The following MFSD6 variants were observed in gnomAD, a reference collection of about 807,000 sequenced individuals.
MFSD6 encodes major facilitator superfamily domain-containing protein 6.
A neutral mutation model predicts 56.3 loss-of-function variants in MFSD6; 26 were observed. The observed-to-expected ratio is 0.46, with a 90% CI of 0.34 to 0.64. The LOEUF is 0.64. MFSD6 is among the 30% of genes least tolerant of loss of function. The probability of loss-of-function intolerance (pLI) is 0.01; values close to 1 mark genes in which losing one functional copy is unlikely to be tolerated. For synonymous variants in MFSD6, 331 were observed against 366.9 expected (o/e 0.90, Z 1.12); for missense variants, 750 against 986.2 (o/e 0.76, Z 3.21).
chr2:190,408,062 C>T (rs1485234015), upstream of MFSD6, among the ~76,000 whole-genome samples: 1 of 152,072 alleles, frequency 6.6e-6, no homozygotes, highest in African/African-American at 2.4e-5. Context: ...TTCAGGTGTC[C>T]CTCCGGGCCG....
At chr2:190,481,057 A>G (rs186742982) in intron 4 of MFSD6, among the ~76,000 whole-genome samples, 9 of 152,332 alleles carry the variant, frequency 5.9e-5, no homozygotes, top group South Asian at 4.1e-4. Flanking sequence ...TCTTTGAGGA[A>G]GATAAGTGAA....
intron 3 of MFSD6, among the ~76,000 whole-genome samples, chr2:190,455,800 A>G (rs1686999979): frequency 6.6e-6 from 1 of 151,870 alleles, no homozygotes; most frequent in African/African-American, 2.4e-5. Flanking sequence ...AAGAAAGGAC[A>G]TGAGTGGTTG....
chr2:190,428,797 C>T (rs1311302747), intron 2 of MFSD6, among the ~76,000 whole-genome samples: 3 of 152,032 alleles, frequency 2.0e-5, no homozygotes, highest in Admixed American at 6.5e-5. Context: ...CTCAGCCCCC[C>T]GAGTAGCTGG....
rs981300234 is a variant in MFSD6, at chr2:190,423,490, T to C, written c.-54+8077T>C. On this transcript the variant is annotated intron_variant, in intron 2 of 7. Transcript: ENST00000392328. This position sits in a 1 kb window ranked among gnomAD's most constrained non-coding sequence, Gnocchi z 4.3. ...TGCTCCTTTTTATTGCTGCATAATATCCCATAGTAAAGCTGTAGTACAATT... is the reference window on the plus strand; with the variant it reads ...TGCTCCTTTTTATTGCTGCATAATACCCCATAGTAAAGCTGTAGTACAATT... Among the ~76,000 whole-genome samples, 1 of 152,236 alleles carries C rather than the reference T, an allele frequency of 6.6e-6. No individual in the cohort carries two copies. The highest frequency in any genetic ancestry group is 1.5e-5 in the Non-Finnish European group (1 of 68,044).
intron 3 of MFSD6, among the ~76,000 whole-genome samples, chr2:190,450,046 G>T (rs1333868572): frequency 1.3e-5 from 2 of 151,858 alleles, no homozygotes; most frequent in Non-Finnish European, 2.9e-5. Flanking sequence ...AAAAGAAAAA[G>T]AAATCAAGAT....
chr2:190,436,369 G>A lies in MFSD6; in HGVS notation c.340G>A (p.Glu114Lys). ...GLLVGIRYFI[E>K]FCSAPFWGVV... ...ACTAGTAGGTATTCGTTACTTCATT[G>A]AATTCTGCAGTGCCCCCTTTTGGGG... Residue 114 changes from glutamate to lysine, a missense_variant, in exon 3 of 8, where the codon GAA becomes AAA. Glu to Lys is a moderately conservative substitution (Grantham distance 56). This residue lies in a region of MFSD6 where 376 missense variants were observed against 437.9 expected (regional missense o/e 0.86). Coordinates refer to ENST00000392328, the MANE Select transcript of MFSD6 (RefSeq NM_017694.4). The surrounding 1 kb of genome is among the most constrained non-coding windows in gnomAD (Gnocchi z 5.3). The A allele has an allele frequency of 3.7e-6, 6 of 1,614,158 alleles. No homozygotes were observed. Among genetic ancestry groups the A allele is most frequent in the Non-Finnish European group, 4.2e-6 (5 of 1,180,022 alleles).
At chr2:190,442,908 A>G (rs1477804245) in intron 3 of MFSD6, 1 of 152,222 alleles carries the variant, frequency 6.6e-6, no homozygotes, top group Non-Finnish European at 1.5e-5. Flanking sequence ...TCGTCTAAGA[A>G]GAGAAATGGG....
chr2:190,497,819 G>T lies in MFSD6; in HGVS notation c.2172+100G>T, dbSNP rs181366796. The stretch of plus-strand genomic sequence containing the variant: ...CACTTTTCATTCAACAAGATTTATT[G>T]AAAGTCTGGTGGGGGAAATAGACAT... On this transcript the variant is annotated intron_variant, in intron 7 of 7. Transcript: ENST00000392328. The surrounding 1 kb of genome is among the most constrained non-coding windows in gnomAD (Gnocchi z 5.2). 1 of 1,380,544 alleles carries T rather than the reference G, an allele frequency of 7.2e-7. No homozygotes were observed. The highest frequency in any genetic ancestry group is 9.9e-7 in the Non-Finnish European group (1 of 1,013,062). 85.5% of individuals were successfully genotyped at this position (1,380,544 alleles called of 1,614,324 possible). A position where few individuals can be genotyped will look rare whatever the true frequency, so the allele number is the denominator to read the frequency against.
chr2:190,473,426 G>A (rs1166137993), intron 4 of MFSD6, among the ~76,000 whole-genome samples: 5 of 152,088 alleles, frequency 3.3e-5, no homozygotes, highest in Non-Finnish European at 4.4e-5. Flanking sequence ...AAAAAGGCAG[G>A]GGTTGCAATC....
At chr2:190,449,120 A>G (rs763246604) in intron 3 of MFSD6, among the ~76,000 whole-genome samples, 3 of 152,218 alleles carry the variant, frequency 2.0e-5, no homozygotes, top group Admixed American at 6.5e-5. Context: ...TATAACAACC[A>G]TGGCTTCAGG....
At chr2:190,482,956 A>G (rs1414337460) in intron 4 of MFSD6, among the ~76,000 whole-genome samples, 2 of 126,162 alleles carry the variant, frequency 1.6e-5, no homozygotes, top group Admixed American at 1.0e-4. Context: ...CAGTGGCGCA[A>G]TCTCGGCTCA....
chr2:190,478,896 A>G (rs1029861798), intron 4 of MFSD6, among the ~76,000 whole-genome samples: 1 of 151,888 alleles, frequency 6.6e-6, no homozygotes, highest in Non-Finnish European at 1.5e-5. Flanking sequence ...TCCCCAAAAC[A>G]CCACGAGAAC....
Position 190,500,272 on chromosome 2 carries a change from A to T in MFSD6, c.*54A>T. ...TGGAATCAGGCTCCTCAGCCAGGAC[A>T]CAGGGTGAGGCCCCCCAGCCAGGAT... On this transcript the variant is annotated 3_prime_UTR_variant, in exon 8 of 8. Transcript: ENST00000392328. The surrounding 1 kb of genome is among the most constrained non-coding windows in gnomAD (Gnocchi z 5.3). The T allele has an allele frequency of 6.3e-7, 1 of 1,594,612 alleles. No homozygotes were observed. Among genetic ancestry groups the T allele is most frequent in the African/African-American group, 1.3e-5 (1 of 74,606 alleles).
rs1268175154 is a variant in MFSD6, at chr2:190,436,021, T to A, written c.-9T>A. 4 of 1,597,516 alleles carry A rather than the reference T, an allele frequency of 2.5e-6. No individual in the cohort carries two copies. The highest frequency in any genetic ancestry group is 1.7e-6 in the Non-Finnish European group (2 of 1,170,184). On this transcript the variant is annotated 5_prime_UTR_variant, in exon 3 of 8. Coordinates refer to ENST00000392328, the MANE Select transcript of MFSD6 (RefSeq NM_017694.4). The surrounding 1 kb of genome is among the most constrained non-coding windows in gnomAD (Gnocchi z 5.3). ...AAGTTTGTAAACTTGCTGATGGTGGTGGTAAGCCATGGCAGATGATAAAGT... is the reference window on the plus strand; with the variant it reads ...AAGTTTGTAAACTTGCTGATGGTGGAGGTAAGCCATGGCAGATGATAAAGT...
chr2:190,497,348 A>G lies in MFSD6; in HGVS notation c.1892-91A>G, dbSNP rs1689757399. The G allele has an allele frequency of 4.9e-6, 7 of 1,426,614 alleles. No homozygotes were observed. The South Asian group carries it at 6.6e-5, about 14-fold the overall frequency. The allele number at this position is 1,426,614 out of a possible 1,614,324, so 88.4% of individuals were successfully genotyped here. A position where few individuals can be genotyped will look rare whatever the true frequency, so the allele number is the denominator to read the frequency against. On this transcript the variant is annotated intron_variant, in intron 6 of 7. Coordinates refer to ENST00000392328, the MANE Select transcript of MFSD6 (RefSeq NM_017694.4). The surrounding 1 kb of genome is among the most constrained non-coding windows in gnomAD (Gnocchi z 5.2). ...TTATCAAGCACTCTGGAATGGGTAT[A>G]TGGGATTCTTGGTTTATTTATTTAT...
At position 190,469,132 on chromosome 2, in the gene MFSD6, A is replaced by G. The variant is rs1032706986; in HGVS notation, c.1533-626A>G. The stretch of plus-strand genomic sequence containing the variant: ...GTGTATATTTATTAGTTTTGTAAAC[A>G]TATGATACCATGAATTTTTTAAAAG... On this transcript the variant is annotated intron_variant, in intron 3 of 7. Coordinates refer to ENST00000392328, the MANE Select transcript of MFSD6 (RefSeq NM_017694.4). The surrounding 1 kb of genome is among the most constrained non-coding windows in gnomAD (Gnocchi z 5.3). Among the ~76,000 whole-genome samples, 6 of 152,234 alleles carry G rather than the reference A, an allele frequency of 3.9e-5. No homozygotes were observed. The highest frequency in any genetic ancestry group is 8.8e-5 in the Non-Finnish European group (6 of 68,048).
rs2125239883 is a variant in MFSD6, at chr2:190,489,923, C to T, written c.1891+57C>T. The T allele has an allele frequency of 7.3e-7, 1 of 1,364,632 alleles. No individual in the cohort carries two copies. Among genetic ancestry groups the T allele is most frequent in the Non-Finnish European group, 9.8e-7 (1 of 1,022,498 alleles). The allele number at this position is 1,364,632 out of a possible 1,614,324, so 84.5% of individuals were successfully genotyped here. ...AACAGTTCAGGCCATGGGAAGTCAA[C>T]AAATGCCCCGAGAAGCCTAGAAGTG... is the stretch of plus-strand genomic sequence containing the variant. On this transcript the variant is annotated intron_variant, in intron 6 of 7. Transcript: ENST00000392328. The surrounding 1 kb of genome is among the most constrained non-coding windows in gnomAD (Gnocchi z 6.6).
chr2:190,488,715 C>A lies in MFSD6; in HGVS notation c.1689C>A (p.Pro563=). 6.2e-7 allele frequency: 1 copy of A among 1,608,280 alleles called. No individual in the cohort carries two copies. The highest frequency in any genetic ancestry group is 8.5e-7 in the Non-Finnish European group (1 of 1,177,464). Residue 563 remains proline, a synonymous_variant, in exon 5 of 8, where the codon CCC becomes CCA. Coordinates refer to ENST00000392328, the MANE Select transcript of MFSD6 (RefSeq NM_017694.4). The surrounding 1 kb of genome is among the most constrained non-coding windows in gnomAD (Gnocchi z 6.4). ...ACISYLSAAV[P]PELRTSAQGI... The stretch of plus-strand genomic sequence containing the variant: ...TTTCTTACCTCAGTGCAGCCGTTCC[C>A]CCTGAGCTGAGGACATCTGCTCAGG...
intron 4 of MFSD6, among the ~76,000 whole-genome samples, chr2:190,483,036 C>T (rs975604349): frequency 2.6e-5 from 4 of 150,968 alleles, no homozygotes; most frequent in African/African-American, 4.9e-5. Context: ...GGACTACAGG[C>T]GCCTGCCACC....
Sources: allele counts gnomAD v4.1 joint callset (sites outside exome capture counted in the v4.1 genomes callset), GRCh38; gene constraint gnomAD v4.1.1; regional missense constraint gnomAD v4.1.1; non-coding constraint Gnocchi (gnomAD v3.1); transcripts MANE v1.5; gene names NCBI Gene and HGNC (gene_info 2026-07-23, HGNC 2026-07-21).